DPP6: variants seen among roughly 807,000 people sequenced by gnomAD.
DPP6 encodes the protein dipeptidyl peptidase like 6.
A neutral mutation model predicts 122.6 loss-of-function variants in DPP6; 69 were observed. The ratio of observed to expected loss-of-function variants is 0.56; its 90% confidence interval spans 0.46 to 0.69. The LOEUF (loss-of-function observed/expected upper bound fraction) is 0.69, where lower values mean the gene tolerates loss of function less well. Among genes scored for constraint, DPP6 ranks in the 30% least tolerant of loss-of-function variants. DPP6 has a pLI of 0.00. For missense variants in DPP6, 928 were observed against 1,116.9 expected (o/e 0.83, Z 2.41); for synonymous variants, 418 against 433.1 (o/e 0.97, Z 0.43).
chr7:153,876,623 T>C, the DPP6 span, among the ~76,000 whole-genome samples: 2 of 152,104 alleles, frequency 1.3e-5, no homozygotes, highest in African/African-American at 4.8e-5. Context: ...AACATCTCAA[T>C]AATTTACCCA....
intron 2 of DPP6, among the ~76,000 whole-genome samples, chr7:154,461,635 T>C (rs1174068897): frequency 6.6e-6 from 1 of 152,246 alleles, no homozygotes; most frequent in East Asian, 1.9e-4. Context: ...TGAGCACCTT[T>C]TCATATACCT....
rs985622396 is a variant in DPP6, at chr7:153,901,072, C to T, written c.51+13338C>T. On this transcript the variant is annotated intron_variant, in intron 1 of 25. Coordinates refer to the DPP6 transcript ENST00000404039. ...ATAGACATCTAGGAAATGTTAATTA[C>T]TGCAGATAAGATTCCCAATTCAGAA... Among the ~76,000 whole-genome samples the T allele has an allele frequency of 2.0e-5, 3 of 152,216 alleles. No individual in the cohort carries two copies. The South Asian group carries it at 6.2e-4, about 32-fold the overall frequency.
chr7:154,390,451 C>T (rs561561273), intron 1 of DPP6, among the ~76,000 whole-genome samples: 1 of 152,060 alleles, frequency 6.6e-6, no homozygotes, highest in South Asian at 2.1e-4. Flanking sequence ...GGGTTTTATT[C>T]TGTGAGATTG....
intron 1 of DPP6, among the ~76,000 whole-genome samples, chr7:154,127,545 C>T (rs1222632035): frequency 1.3e-5 from 2 of 150,696 alleles, no homozygotes; most frequent in East Asian, 3.9e-4. Context: ...TCTGCTGTTG[C>T]CTCCGGCTTT....
At chr7:154,487,882 C>T (rs1034505589) in intron 3 of DPP6, among the ~76,000 whole-genome samples, 3 of 152,202 alleles carry the variant, frequency 2.0e-5, no homozygotes, top group African/African-American at 7.2e-5. Flanking sequence ...GCACCGTCCC[C>T]TGTGACTCAT....
intron 16 of DPP6, among the ~76,000 whole-genome samples, chr7:154,810,862 C>T (rs994089169): frequency 1.3e-5 from 2 of 152,208 alleles, no homozygotes; most frequent in African/African-American, 4.8e-5. Context: ...CTCCTCCTGC[C>T]AATGCCTGGA....
chr7:154,339,264 A>G (rs1809705574), intron 1 of DPP6, among the ~76,000 whole-genome samples: 1 of 152,234 alleles, frequency 6.6e-6, no homozygotes, highest in Non-Finnish European at 1.5e-5. Context: ...AAGGAAAGGA[A>G]GGAGAGTGAG....
chr7:154,771,230 T>A (rs1371093258), intron 9 of DPP6, among the ~76,000 whole-genome samples: 12 of 152,172 alleles, frequency 7.9e-5, no homozygotes. Flanking sequence ...ACACCTGGTG[T>A]CTTAGTCAGT....
intron 3 of DPP6, among the ~76,000 whole-genome samples, chr7:154,520,534 G>A (rs535639180): frequency 1.3e-4 from 20 of 152,286 alleles, no homozygotes; most frequent in Middle Eastern, 6.8e-3. Context: ...TGTCCCTTAC[G>A]CCTGGAGCTT....
chr7:153,983,362 T>C (rs1796686522), intron 1 of DPP6, among the ~76,000 whole-genome samples: 1 of 152,230 alleles, frequency 6.6e-6, no homozygotes, highest in Admixed American at 6.5e-5. Flanking sequence ...GAAAACCACG[T>C]ACTCAAGCCT....
intron 1 of DPP6, among the ~76,000 whole-genome samples, chr7:153,992,644 C>T (rs1797233649): frequency 6.6e-6 from 1 of 152,210 alleles, no homozygotes; most frequent in South Asian, 2.1e-4. Context: ...CATGTCAATT[C>T]CAGGCTATCA....
intron 1 of DPP6, among the ~76,000 whole-genome samples, chr7:154,437,572 C>T (rs1586269102): frequency 6.6e-6 from 1 of 152,310 alleles, no homozygotes; most frequent in Middle Eastern, 3.4e-3. Flanking sequence ...ATAACTCTAC[C>T]TGCTAGTAGA....
intron 1 of DPP6, among the ~76,000 whole-genome samples, chr7:154,186,002 C>T (rs758152977): frequency 6.6e-6 from 1 of 152,122 alleles, no homozygotes; most frequent in African/African-American, 2.4e-5. Context: ...ATGACGCATG[C>T]ACAACTCTAG....
intron 1 of DPP6, among the ~76,000 whole-genome samples, chr7:154,145,000 C>T (rs951480877): frequency 2.6e-5 from 4 of 152,002 alleles, no homozygotes; most frequent in African/African-American, 9.7e-5. Flanking sequence ...ATGCAGTCAC[C>T]AGTTCTGCTG....
At chr7:154,521,919 G>C (rs1223547433) in intron 3 of DPP6, among the ~76,000 whole-genome samples, 4 of 151,986 alleles carry the variant, frequency 2.6e-5, no homozygotes, top group Non-Finnish European at 5.9e-5. Context: ...ACAGTACCTG[G>C]TTGCATTCTT....
chr7:154,424,473 C>T (rs1039858779), intron 1 of DPP6, among the ~76,000 whole-genome samples: 1 of 152,178 alleles, frequency 6.6e-6, no homozygotes, highest in Non-Finnish European at 1.5e-5. Flanking sequence ...TTTCCTCCGC[C>T]TTCAGAGCCA....
In DPP6 at chr7:154,060,293, T is replaced by TG. The variant is rs1328174363; in HGVS notation, c.243+7230_243+7231insG. ...GAGGCAGGGACTGAGAGGCAATCCCTCTTCCCCCCCTGGCTCTTAGGACCC... is the reference window on the plus strand; with the variant it reads ...GAGGCAGGGACTGAGAGGCAATCCCTGCTTCCCCCCCTGGCTCTTAGGACCC... On this transcript the variant is annotated intron_variant, in intron 1 of 25. Transcript: ENST00000377770. Among the ~76,000 whole-genome samples, 75 of 121,046 alleles carry TG rather than the reference T, an allele frequency of 6.2e-4. 1 individual carries two copies. Among genetic ancestry groups the TG allele is most frequent in the African/African-American group, 2.0e-3 (61 of 30,730 alleles). The allele number at this position is 121,046 out of a possible 152,430, so 79.4% of individuals were successfully genotyped here. A position where few individuals can be genotyped will look rare whatever the true frequency, so the allele number is the denominator to read the frequency against.
chr7:153,985,223 A>G (rs1796782005), intron 1 of DPP6, among the ~76,000 whole-genome samples: 1 of 152,196 alleles, frequency 6.6e-6, no homozygotes, highest in Non-Finnish European at 1.5e-5. Context: ...TGATTGGGCT[A>G]GAGGGAGAGG....
At chr7:154,553,767 A>G (rs1049197269) in intron 4 of DPP6, among the ~76,000 whole-genome samples, 2 of 152,106 alleles carry the variant, frequency 1.3e-5, no homozygotes, top group Admixed American at 6.6e-5. Context: ...CTGAGAAGGA[A>G]GCCACCGCTT....
Sources: gnomAD v4.1 joint callset for allele counts (sites outside exome capture counted in the v4.1 genomes callset) on GRCh38, gnomAD v4.1.1 for gene constraint, MANE v1.5 for transcripts, NCBI Gene and HGNC (gene_info 2026-07-23, HGNC 2026-07-21) for gene names.